L3MBTL4: variants seen among roughly 807,000 people sequenced by gnomAD.
L3MBTL4 encodes lethal(3)malignant brain tumor-like protein 4.
In L3MBTL4, 70 loss-of-function variants were observed where a neutral mutation model predicts 84.5. The observed-to-expected ratio is 0.83, with a 90% confidence interval of 0.68 to 1.01. The LOEUF (loss-of-function observed/expected upper bound fraction) is 1.01. Among genes scored for constraint, L3MBTL4 ranks in the 50% least tolerant of loss-of-function variants. The probability of loss-of-function intolerance (pLI) is 0.00; values close to 1 mark genes in which losing one functional copy is unlikely to be tolerated. For synonymous variants in L3MBTL4, 274 were observed against 259.8 expected (o/e 1.05, Z -0.52); for missense variants, 715 against 754.8 (o/e 0.95, Z 0.62).
intron 13 of L3MBTL4, among the ~76,000 whole-genome samples, chr18:6,144,005 G>C (rs1359027004): frequency 6.6e-6 from 1 of 152,028 alleles, no homozygotes; most frequent in Non-Finnish European, 1.5e-5. Context: ...AGACTATCCT[G>C]GCTAACACGG....
At chr18:6,077,637 G>A (rs192872196) in intron 16 of L3MBTL4, among the ~76,000 whole-genome samples, 134 of 151,838 alleles carry the variant, frequency 8.8e-4, no homozygotes, top group African/African-American at 3.0e-3. Context: ...ATCTATACAT[G>A]TGTGTATACA....
At chr18:6,372,993 A>T (rs1047929912) in intron 1 of L3MBTL4, among the ~76,000 whole-genome samples, 2 of 152,202 alleles carry the variant, frequency 1.3e-5, no homozygotes, top group African/African-American at 4.8e-5. Flanking sequence ...TTAAATATAC[A>T]CTATTTTTTC....
intron 16 of L3MBTL4, among the ~76,000 whole-genome samples, chr18:5,974,404 C>T (rs887942460): frequency 6.9e-6 from 1 of 145,374 alleles, no homozygotes; most frequent in Non-Finnish European, 1.5e-5. Context: ...AAAGAAAAGT[C>T]ATTGCTTGCC....
chr18:6,159,232 C>T (rs2043220636), intron 13 of L3MBTL4, among the ~76,000 whole-genome samples: 1 of 152,218 alleles, frequency 6.6e-6, no homozygotes. Flanking sequence ...AGGTTGGGAC[C>T]TCTCACTGGC....
chr18:6,381,885 C>G (rs1019644705), intron 1 of L3MBTL4, among the ~76,000 whole-genome samples: 55 of 152,196 alleles, frequency 3.6e-4, no homozygotes, highest in African/African-American at 1.2e-3. Flanking sequence ...GCCTGTCTTG[C>G]TGGATTGGAG....
intron 16 of L3MBTL4, chr18:6,031,075 T>A (rs940733709): frequency 2.5e-5 from 25 of 985,270 alleles, no homozygotes; most frequent in Non-Finnish European, 2.9e-5. Flanking sequence ...TACATCCAAT[T>A]ATTAATTATA....
At chr18:6,324,352 C>T (rs1238862949) in intron 1 of L3MBTL4, among the ~76,000 whole-genome samples, 2 of 152,220 alleles carry the variant, frequency 1.3e-5, no homozygotes, top group Non-Finnish European at 2.9e-5. Context: ...CCACTGCCCT[C>T]TAGACCCTGG....
chr18:6,390,256 G>T (rs887800720), intron 1 of L3MBTL4, among the ~76,000 whole-genome samples: 12 of 152,122 alleles, frequency 7.9e-5, no homozygotes, highest in Non-Finnish European at 1.5e-4. Context: ...ATAAAATCAA[G>T]ATGGAAATTT....
At chr18:6,197,267 A>G (rs962699090) in intron 12 of L3MBTL4, among the ~76,000 whole-genome samples, 1 of 152,090 alleles carries the variant, frequency 6.6e-6, no homozygotes, top group Admixed American at 6.5e-5. Flanking sequence ...CCCTCCCCAC[A>G]TCCAACCCCT....
chr18:6,288,541 A>G (rs950472504), intron 4 of L3MBTL4, among the ~76,000 whole-genome samples: 3 of 152,204 alleles, frequency 2.0e-5, no homozygotes, highest in African/African-American at 7.2e-5. Context: ...CTATGAACCC[A>G]GCCTAAAACA....
intron 10 of L3MBTL4, among the ~76,000 whole-genome samples, chr18:6,231,227 T>C (rs902391712): frequency 2.6e-5 from 4 of 152,208 alleles, no homozygotes; most frequent in African/African-American, 9.6e-5. Context: ...CTTTTAAGTG[T>C]TTAAACCATC....
intron 10 of L3MBTL4, among the ~76,000 whole-genome samples, chr18:6,230,996 T>C (rs2046977860): frequency 6.6e-6 from 1 of 152,122 alleles, no homozygotes; most frequent in Admixed American, 6.6e-5. Flanking sequence ...TGTCAATGCA[T>C]AGTTTGCAAA....
chr18:6,324,560 G>C (rs543214943), intron 1 of L3MBTL4, among the ~76,000 whole-genome samples: 1 of 152,356 alleles, frequency 6.6e-6, no homozygotes, highest in Admixed American at 6.5e-5. Flanking sequence ...TGCAGGGCAA[G>C]CTGACGCTTA....
rs185796384 is a variant in L3MBTL4 at position 5,987,423 on chromosome 18, C to A, written c.1445-17861G>T. Among the ~76,000 whole-genome samples, 245 of 152,364 alleles carry A rather than the reference C, an allele frequency of 1.6e-3. 2 individuals are homozygous for A. Among genetic ancestry groups the A allele is most frequent in the African/African-American group, 5.6e-3 (231 of 41,586 alleles). ...GCCCAGCAGTGTGGGAATGTACTCG[C>A]AAACCCCACACAGACCCGTGGCCAC... On this transcript the variant is annotated intron_variant, in intron 16 of 18. Coordinates refer to ENST00000317931, the MANE Select transcript of L3MBTL4 (RefSeq NM_001330559.2).
At chr18:6,386,451 G>A (rs980708066) in intron 1 of L3MBTL4, among the ~76,000 whole-genome samples, 7 of 152,202 alleles carry the variant, frequency 4.6e-5, no homozygotes, top group South Asian at 2.1e-4. Context: ...TACATGTGAC[G>A]CACTGTGCTG....
intron 14 of L3MBTL4, among the ~76,000 whole-genome samples, chr18:6,095,984 A>G (rs974249909): frequency 2.0e-5 from 3 of 152,224 alleles, no homozygotes; most frequent in African/African-American, 7.2e-5. Flanking sequence ...CCGAGTTTTC[A>G]TTAAGATACT....
chr18:6,171,239 T>C (rs933252430), intron 13 of L3MBTL4, among the ~76,000 whole-genome samples: 4 of 152,202 alleles, frequency 2.6e-5, no homozygotes, highest in African/African-American at 9.6e-5. Flanking sequence ...TTATTAGTCA[T>C]GTCAGCCTAA....
intron 3 of L3MBTL4, among the ~76,000 whole-genome samples, chr18:6,311,073 TC>T (rs895989231): frequency 2.0e-5 from 3 of 152,152 alleles, no homozygotes; most frequent in African/African-American, 7.2e-5. Context: ...TTCAGACGTG[TC>T]AGCCCCCACA....
intron 13 of L3MBTL4, among the ~76,000 whole-genome samples, chr18:6,164,658 T>A (rs962300470): frequency 3.3e-5 from 5 of 151,972 alleles, no homozygotes; most frequent in Non-Finnish European, 4.4e-5. Context: ...AGAAAGGACA[T>A]CCACACCAAA....
Sources: allele counts gnomAD v4.1 joint callset (sites outside exome capture counted in the v4.1 genomes callset), GRCh38; gene constraint gnomAD v4.1.1; transcripts MANE v1.5; gene names NCBI Gene and HGNC (gene_info 2026-07-23, HGNC 2026-07-21).